TBC1D10B: variants seen among roughly 807,000 people sequenced by gnomAD.
TBC1D10B encodes the protein TBC1 domain family member 10B.
TBC1D10B carries 25 observed loss-of-function variants against 78.4 expected under a neutral mutation model. The observed-to-expected ratio is 0.32, with a 90% CI of 0.23 to 0.45. The LOEUF is 0.45. TBC1D10B is among the 20% of genes least tolerant of loss of function. The pLI is 1.00. For synonymous variants in TBC1D10B, 517 were observed against 478.0 expected, an observed-to-expected ratio of 1.08 and a Z score of -1.06; for missense variants, 996 against 1,104.8, an observed-to-expected ratio of 0.90 and a Z score of 1.40.
chr16:30,358,974 G>T, intron 7 of TBC1D10B, 157 bp from the exon 8 acceptor site: 1 of 1,237,684 alleles, frequency 8.1e-7, no homozygotes, highest in Non-Finnish European at 1.1e-6. Flanking sequence ...ATCAGTCTCA[G>T]GATCTTGGCA....
In TBC1D10B at chr16:30,358,069, GCC is replaced by G; in HGVS notation, c.2300_2301del (p.Arg767ProfsTer26). The G allele has an allele frequency of 6.4e-7, 1 of 1,551,602 alleles. No homozygotes were observed. Among genetic ancestry groups the G allele is most frequent in the Non-Finnish European group, 8.7e-7 (1 of 1,146,702 alleles). Reference protein sequence around the residue: ...EKEREKQEKERQKQEKKAQGR... With the variant: ...EKEREKQEKEXQKQEKKAQGR... ...CCTTGAGCCTTCTTCTCCTGCTTCT[GCC>G]GCTCCTTCTCCTGCTTCTCTCGCTC... On this transcript the variant is annotated frameshift_variant, in exon 9 of 9. Transcript: ENST00000409939. LOFTEE classifies it high-confidence loss of function.
Position 30,358,790 on chromosome 16 carries a change from AG to A in TBC1D10B, c.1669del (p.Leu557TrpfsTer44). On this transcript the variant is annotated frameshift_variant, in exon 8 of 9. Transcript: ENST00000409939. LOFTEE classifies it high-confidence loss of function. ...GCCCAGCGTGTGGCGCAGCAGGACCAGGGCCACCCGGAAGATGATCTTAACG... is the reference window on the plus strand; with the variant it reads ...GCCCAGCGTGTGGCGCAGCAGGACCAGGCCACCCGGAAGATGATCTTAACG... Reference protein sequence around the residue: ...EGVKIIFRVALVLLRHTLGSV... With the variant: ...EGVKIIFRVAXVLLRHTLGSV... 6.2e-7 allele frequency: 1 copy of A among 1,609,170 alleles called. No homozygotes were observed.
chr16:30,357,959 C>T lies in TBC1D10B; in HGVS notation c.2412G>A (p.Gln804=). The T allele has an allele frequency of 1.3e-6, 2 of 1,551,036 alleles. No individual in the cohort carries two copies. The highest frequency in any genetic ancestry group is 4.9e-5 in the East Asian group (2 of 40,918). ...GGDRPSAEAR[Q]DAYF ...AGGGCAGAGGTCAGAAGTAAGCGTC[C>T]TGCCGGGCCTCGGCTGAGGGCCTGT... is the stretch of plus-strand genomic sequence containing the variant. The change falls in exon 9 of 9, where the codon CAG becomes CAA. Residue 804 remains glutamine, a synonymous_variant. Coordinates refer to ENST00000409939, the MANE Select transcript of TBC1D10B (RefSeq NM_015527.4).
At chr16:30,361,854 T>TC (rs1402489495) in intron 4 of TBC1D10B, among the ~76,000 whole-genome samples, 1 of 148,780 alleles carries the variant, frequency 6.7e-6, no homozygotes, top group East Asian at 2.0e-4. Context: ...CCAAGCTAAT[T>TC]TTTTTTTTTT....
Position 30,370,290 on chromosome 16 carries a change from C to T in TBC1D10B, c.-107G>A. The T allele has an allele frequency of 1.9e-6, 1 of 516,862 alleles. No individual in the cohort carries two copies. The highest frequency in any genetic ancestry group is 2.6e-6 in the Non-Finnish European group (1 of 381,330). The allele number at this position is 516,862 out of a possible 1,614,324, so 32.0% of individuals were successfully genotyped here. A position where few individuals can be genotyped will look rare whatever the true frequency, so the allele number is the denominator to read the frequency against. On this transcript the variant is annotated 5_prime_UTR_variant, in exon 1 of 9. Transcript: ENST00000409939. ...GAGAAAGGGGAGAGGGCGAAGGGCG[C>T]GGCTCGGCGCGCGCCGGGGGCGGAG...
intron 1 of TBC1D10B, chr16:30,367,457 G>A (rs2049645469): frequency 6.6e-6 from 1 of 152,186 alleles, no homozygotes; most frequent in African/African-American, 2.4e-5. Context: ...CAGCCTAAGA[G>A]GAGCGATAAC....
chr16:30,358,995 G>T, intron 7 of TBC1D10B, 177 bp downstream of exon 7: 1 of 1,204,604 alleles, frequency 8.3e-7, no homozygotes, highest in Non-Finnish European at 1.1e-6. Context: ...GGGAGAGCAG[G>T]CTCTGGGTTG....
rs756991093 is a variant in TBC1D10B, at chr16:30,359,755, G to A, written c.1358C>T (p.Ala453Val). 2 of 1,589,202 alleles carry A rather than the reference G, an allele frequency of 1.3e-6. No individual in the cohort carries two copies. The highest frequency in any genetic ancestry group is 1.7e-6 in the Non-Finnish European group (2 of 1,167,850). Residue 453 changes from alanine (A) to valine (V), a missense_variant, in exon 5 of 9, where the codon GCG (alanine) becomes GTG (valine). Ala to Val is a moderately conservative substitution (Grantham distance 64). Transcript: ENST00000409939. The part of the protein sequence containing the change: ...GYCQAQAPVA[A>V]VLLMHMPAEQ... ...CGCAGGCATGTGCATGAGCAGGACC[G>A]CAGCCACGGGGGCCTGGGCCTGGCA...
intron 7 of TBC1D10B, 100 bp downstream of exon 7, chr16:30,359,072 C>T (rs535446985): frequency 2.1e-6 from 3 of 1,423,248 alleles, no homozygotes; most frequent in South Asian, 1.4e-5. Flanking sequence ...CTCCACCCAA[C>T]AAGTACCTTT....
chr16:30,370,085 G>T lies in TBC1D10B; in HGVS notation c.99C>A (p.Val33=). Residue 33 remains valine (V), a synonymous_variant, in exon 1 of 9, where the codon GTC becomes GTA. Coordinates refer to ENST00000409939, the MANE Select transcript of TBC1D10B (RefSeq NM_015527.4). ...PPPRGSRAGP[V]VVVAPGPPVT... is the part of the protein sequence containing the mutation. Reference sequence around the variant, plus strand: ...CTGGAGGTCCCGGAGCCACCACCACGACGGGCCCGGCCCGGGAACCCCGGG... The same window carrying T: ...CTGGAGGTCCCGGAGCCACCACCACTACGGGCCCGGCCCGGGAACCCCGGG... 3.3e-6 allele frequency: 4 copies of T among 1,225,522 alleles called. No individual in the cohort carries two copies. Among genetic ancestry groups the T allele is most frequent in the East Asian group, 3.2e-5 (1 of 31,300 alleles). 75.9% of individuals were successfully genotyped at this position (1,225,522 alleles called of 1,614,324 possible).
Position 30,358,785 on chromosome 16 carries a change from G to A in TBC1D10B, c.1675C>T (p.Leu559=), listed in dbSNP as rs750094561. Residue 559 remains leucine (L), a synonymous_variant, in exon 8 of 9, where the codon CTG becomes TTG. Coordinates refer to ENST00000409939, the MANE Select transcript of TBC1D10B (RefSeq NM_015527.4). The part of the protein sequence containing the change: ...VKIIFRVALV[L]LRHTLGSVEK... The stretch of plus-strand genomic sequence containing the variant: ...ACTGAGCCCAGCGTGTGGCGCAGCA[G>A]GACCAGGGCCACCCGGAAGATGATC... The A allele has an allele frequency of 1.7e-5, 28 of 1,609,426 alleles. No homozygotes were observed. The highest frequency in any genetic ancestry group is 1.3e-4 in the South Asian group (12 of 90,090).
chr16:30,358,772 G>C lies in TBC1D10B; in HGVS notation c.1688C>G (p.Thr563Arg), dbSNP rs756764495. The change falls in exon 8 of 9, where the codon ACG becomes AGG. Residue 563 changes from threonine to arginine, a missense_variant. Thr to Arg is a moderately conservative substitution (Grantham distance 71, BLOSUM62 -1). Around this residue, in one of 5 missense-constraint regions of TBC1D10B, gnomAD observed 168 missense variants for 238.7 expected, o/e 0.70. Transcript: ENST00000409939. ...FRVALVLLRH[T>R]LGSVEKLRSC... ...GCGCAGCTTCTCCACTGAGCCCAGC[G>C]TGTGGCGCAGCAGGACCAGGGCCAC... is the stretch of plus-strand genomic sequence containing the variant. The C allele has an allele frequency of 6.2e-7, 1 of 1,609,378 alleles. No individual in the cohort carries two copies. The highest frequency in any genetic ancestry group is 1.1e-5 in the South Asian group (1 of 90,122).
rs2049628258 is a variant in TBC1D10B at position 30,365,320 on chromosome 16, T to C, written c.1057-108A>G. 8.1e-7 allele frequency: 1 copy of C among 1,231,956 alleles called. No homozygotes were observed. Among genetic ancestry groups the C allele is most frequent in the Admixed American group, 1.9e-5 (1 of 52,630 alleles). The allele number at this position is 1,231,956 out of a possible 1,614,324, so 76.3% of individuals were successfully genotyped here. On this transcript the variant is annotated intron_variant, in intron 2 of 8. Coordinates refer to ENST00000409939, the MANE Select transcript of TBC1D10B (RefSeq NM_015527.4). This position sits in a 1 kb window ranked among gnomAD's most constrained non-coding sequence, Gnocchi z 5.0. ...GATACTCCTCCGACATCCCATAGGC[T>C]TGATTCCACTGGACCTGGCCTGGAC...
In TBC1D10B at chr16:30,357,997, G is replaced by C; in HGVS notation, c.2374C>G (p.His792Asp). Residue 792 changes from histidine to aspartate, a missense_variant, in exon 9 of 9, where the codon CAT becomes GAT. This residue lies in a region of TBC1D10B where 285 missense variants were observed against 252.5 expected (regional missense o/e 1.13). Coordinates refer to ENST00000409939, the MANE Select transcript of TBC1D10B (RefSeq NM_015527.4). The stretch of plus-strand genomic sequence containing the variant: ...GCTGAGGGCCTGTCCCCACCATCAT[G>C]GGGGCCTGGGGGCCCATCTGCCTTT... Reference protein sequence around the residue: ...RRKADGPPGPHDGGDRPSAEA... With the variant: ...RRKADGPPGPDDGGDRPSAEA... 6.4e-7 allele frequency: 1 copy of C among 1,551,764 alleles called. No homozygotes were observed.
At position 30,369,956 on chromosome 16, in the gene TBC1D10B, T is replaced by C. The variant is rs1368308264; in HGVS notation, c.228A>G (p.Pro76=). 3.1e-6 allele frequency: 4 copies of C among 1,281,046 alleles called. No homozygotes were observed. The highest frequency in any genetic ancestry group is 3.1e-5 in the East Asian group (1 of 32,152). The allele number at this position is 1,281,046 out of a possible 1,614,324, so 79.4% of individuals were successfully genotyped here. A position where few individuals can be genotyped will look rare whatever the true frequency, so the allele number is the denominator to read the frequency against. ...TGACAGCCGGGGCTGGGGCCGGGGC[T>C]GGGGCCGGGGCCGGAGCAGAGGTCT... The part of the protein sequence containing the change: ...SAETSAPAPA[P]APAPAPAVTG... The change falls in exon 1 of 9, where the codon CCA becomes CCG. Residue 76 remains proline (P), a synonymous_variant. Coordinates refer to ENST00000409939, the MANE Select transcript of TBC1D10B (RefSeq NM_015527.4). This position sits in a 1 kb window ranked among gnomAD's most constrained non-coding sequence, Gnocchi z 4.3.
rs754997465 is a variant in TBC1D10B, at chr16:30,359,504, C to T, written c.1452+34G>A. 3 of 1,553,336 alleles carry T rather than the reference C, an allele frequency of 1.9e-6. No individual in the cohort carries two copies. In the South Asian group the frequency reaches 3.6e-5, roughly 18 times the overall value. On this transcript the variant is annotated intron_variant, in intron 6 of 8. Transcript: ENST00000409939. ...TGCCTGCAGCCTGGAGGAAACGCCA[C>T]AGCCCCGGATGCACCCAGCCTCCAG...
At position 30,364,813 on chromosome 16, in the gene TBC1D10B, T is replaced by C. The variant is rs1567413658; in HGVS notation, c.1271+87A>G. 4 of 1,297,480 alleles carry C rather than the reference T, an allele frequency of 3.1e-6. No individual in the cohort carries two copies. In the East Asian group the frequency reaches 1.0e-4, roughly 33 times the overall value. 80.4% of individuals were successfully genotyped at this position (1,297,480 alleles called of 1,614,324 possible). On this transcript the variant is annotated intron_variant, in intron 4 of 8. Coordinates refer to ENST00000409939, the MANE Select transcript of TBC1D10B (RefSeq NM_015527.4). ...CAAGTCCTGAAGGGCAAAAACCACT[T>C]TCGACTCAGTCTTGTATCCACCTAG... is the stretch of plus-strand genomic sequence containing the variant.
chr16:30,369,709 T>C lies in TBC1D10B; in HGVS notation c.475A>G (p.Arg159Gly). Residue 159 changes from arginine (R) to glycine (G), a missense_variant, in exon 1 of 9, where the codon AGA becomes GGA. Arg to Gly is a moderately radical substitution (Grantham distance 125). Coordinates refer to ENST00000409939, the MANE Select transcript of TBC1D10B (RefSeq NM_015527.4). The surrounding 1 kb of genome is among the most constrained non-coding windows in gnomAD (Gnocchi z 4.3). ...PTGTPTRTPS[R>G]TAPGALTAKP... ...GCGGTCAGGGCACCAGGAGCCGTTC[T>C]GGAAGGGGTCCTGGTAGGGGTCCCG... The C allele has an allele frequency of 6.7e-7, 1 of 1,502,548 alleles. No individual in the cohort carries two copies. The highest frequency in any genetic ancestry group is 1.7e-4 in the Middle Eastern group (1 of 5,722). 93.1% of individuals were successfully genotyped at this position (1,502,548 alleles called of 1,614,324 possible).
rs1307457622 is a variant in TBC1D10B at position 30,358,474 on chromosome 16, A to C, written c.1897T>G (p.Ser633Ala). The change falls in exon 9 of 9, where the codon TCA becomes GCA. Residue 633 changes from serine to alanine, a missense_variant. This residue lies in a region of TBC1D10B where 285 missense variants were observed against 252.5 expected (regional missense o/e 1.13). Coordinates refer to ENST00000409939, the MANE Select transcript of TBC1D10B (RefSeq NM_015527.4). ...GCCCGGGACCCATGCAGTCGCCGTG[A>C]GGGCCGATACTGCAGCTCCCCCCGC... is the stretch of plus-strand genomic sequence containing the variant. ...ETRGELQYRP[S>A]RRLHGSRAIH... The C allele has an allele frequency of 2.5e-6, 4 of 1,596,786 alleles. No individual in the cohort carries two copies. In the African/African-American group the frequency reaches 5.4e-5, roughly 21 times the overall value.
Sources: gnomAD v4.1 joint callset for allele counts (sites outside exome capture counted in the v4.1 genomes callset) on GRCh38, gnomAD v4.1.1 for gene constraint, gnomAD v4.1.1 regional missense constraint, Gnocchi (gnomAD v3.1) non-coding constraint, MANE v1.5 for transcripts, NCBI Gene and HGNC (gene_info 2026-07-23, HGNC 2026-07-21) for gene names.